The following ADAM18 variants were observed in gnomAD, a reference collection of about 807,000 sequenced individuals.
ADAM18 encodes the protein ADAM metallopeptidase domain 18, also known as disintegrin and metalloproteinase domain-containing protein 18.
ADAM18 carries 117 observed loss-of-function variants against 94.4 expected under a neutral mutation model. That is an observed-to-expected ratio of 1.24 (90% CI 1.07 to 1.45). The LOEUF is 1.45. ADAM18 is among the 40% of genes most tolerant of loss of function. The pLI is 0.00. For missense variants in ADAM18, 936 were observed against 880.0 expected, an observed-to-expected ratio of 1.06 and a Z score of -0.81; for synonymous variants, 327 against 291.6, an observed-to-expected ratio of 1.12 and a Z score of -1.24.
At chr8:39,675,326 T>C (rs911714976) in intron 14 of ADAM18, among the ~76,000 whole-genome samples, 2 of 152,216 alleles carry the variant, frequency 1.3e-5, no homozygotes, top group African/African-American at 2.4e-5. Context: ...CGTTTCTTTT[T>C]ACTCTTTTTT....
Position 39,584,571 on chromosome 8 carries a change from G to C in ADAM18, c.-52G>C, listed in dbSNP as rs1245941072. The C allele has an allele frequency of 6.2e-7, 1 of 1,603,596 alleles. No homozygotes were observed. Among genetic ancestry groups the C allele is most frequent in the Non-Finnish European group, 8.5e-7 (1 of 1,176,224 alleles). ...CCGAGAGCCTGCCCGCGAGCTCAAC[G>C]CTGCTCAACGGTCTCTGTCCTTGGC... On this transcript the variant is annotated 5_prime_UTR_variant, in exon 1 of 20. Coordinates refer to ENST00000265707, the MANE Select transcript of ADAM18 (RefSeq NM_014237.3).
At chr8:39,617,341 T>C (rs1819471778) in intron 6 of ADAM18, among the ~76,000 whole-genome samples, 1 of 152,020 alleles carries the variant, frequency 6.6e-6, no homozygotes, top group African/African-American at 2.4e-5. Context: ...AAGAAAAAGT[T>C]ACAGATACTC....
intron 2 of ADAM18, among the ~76,000 whole-genome samples, chr8:39,598,809 ATTTTTTC>A (rs542784825): frequency 1.3e-5 from 2 of 150,602 alleles, no homozygotes; most frequent in Middle Eastern, 3.4e-3. Flanking sequence ...AGGGTGTTGG[ATTTTTTC>A]TTTTTTCTTT....
chr8:39,630,858 G>T (rs936627036), intron 7 of ADAM18, among the ~76,000 whole-genome samples: 3 of 151,884 alleles, frequency 2.0e-5, no homozygotes, highest in Non-Finnish European at 4.4e-5. Flanking sequence ...TGTATGAAAG[G>T]TCCAGGAATT....
intron 10 of ADAM18, 49 bp from the exon 11 acceptor site, chr8:39,645,289 C>A: frequency 6.8e-7 from 1 of 1,480,812 alleles, no homozygotes; most frequent in Non-Finnish European, 9.2e-7. Context: ...CAAGTTATTA[C>A]TTTTATTTTC....
At chr8:39,635,365 C>T (rs1348256159) in intron 7 of ADAM18, among the ~76,000 whole-genome samples, 1 of 152,134 alleles carries the variant, frequency 6.6e-6, no homozygotes, top group Non-Finnish European at 1.5e-5. Context: ...GTAGTATCAG[C>T]ATTTCTAATG....
Position 39,604,381 on chromosome 8 carries a change from C to T in ADAM18, c.133-1926C>T, listed in dbSNP as rs1463785323. Among the ~76,000 whole-genome samples the T allele has an allele frequency of 2.6e-5, 4 of 152,070 alleles. No homozygotes were observed. In the East Asian group the frequency reaches 7.7e-4, roughly 29 times the overall value. On this transcript the variant is annotated intron_variant, in intron 2 of 19. Transcript: ENST00000265707. ...TATTTTTCTAAAGATATTAAATATA[C>T]TTATATTAAGGTCCTGTTTTATTCA...
intron 7 of ADAM18, among the ~76,000 whole-genome samples, chr8:39,635,870 G>C (rs192174236): frequency 1.7e-4 from 26 of 152,242 alleles, no homozygotes; most frequent in African/African-American, 5.8e-4. Context: ...TTCTTGTTAA[G>C]CTGTTGTTAA....
intron 12 of ADAM18, among the ~76,000 whole-genome samples, chr8:39,655,648 CA>C (rs1340427492): frequency 6.6e-6 from 1 of 151,662 alleles, no homozygotes; most frequent in Non-Finnish European, 1.5e-5. Flanking sequence ...AACTAGCCAC[CA>C]AAGCAACAAA....
chr8:39,651,125 C>A (rs545097407), intron 12 of ADAM18, among the ~76,000 whole-genome samples: 5 of 152,216 alleles, frequency 3.3e-5, no homozygotes, highest in Non-Finnish European at 5.9e-5. Flanking sequence ...TGTGTATATA[C>A]ATAAACATCT....
intron 18 of ADAM18, among the ~76,000 whole-genome samples, chr8:39,711,216 G>C (rs912758285): frequency 6.6e-6 from 1 of 152,126 alleles, no homozygotes; most frequent in African/African-American, 2.4e-5. Context: ...AAATAGCCTG[G>C]TAAGTCACTA....
At chr8:39,646,081 T>G (rs939958532) in intron 11 of ADAM18, among the ~76,000 whole-genome samples, 5 of 152,158 alleles carry the variant, frequency 3.3e-5, no homozygotes, top group African/African-American at 1.2e-4. Context: ...GCTAAGGCAT[T>G]TCTTTTTGCT....
At chr8:39,667,960 T>G (rs779225589) in intron 13 of ADAM18, 38 bp from the exon 14 acceptor site, 100 of 1,576,878 alleles carry the variant, frequency 6.3e-5, no homozygotes, top group Admixed American at 1.7e-5. Context: ...AGAAAAATGA[T>G]TTACAGAACT....
intron 16 of ADAM18, among the ~76,000 whole-genome samples, chr8:39,686,402 G>A (rs1479890255): frequency 6.6e-6 from 1 of 152,178 alleles, no homozygotes; most frequent in African/African-American, 2.4e-5. Context: ...CTGCTTCAAA[G>A]TTGGTACCTT....
rs775398423 is a variant in ADAM18, at chr8:39,668,131, C to G, written c.1460C>G (p.Thr487Ser). 4 of 1,613,990 alleles carry G rather than the reference C, an allele frequency of 2.5e-6. No homozygotes were observed. The highest frequency in any genetic ancestry group is 3.4e-6 in the Non-Finnish European group (4 of 1,180,010). Residue 487 changes from threonine to serine, a missense_variant, in exon 14 of 20, where the codon ACT becomes AGT. Thr to Ser is a moderately conservative substitution (Grantham distance 58). Coordinates refer to ENST00000265707, the MANE Select transcript of ADAM18 (RefSeq NM_014237.3). ...AATGGCCGTTTGTGCAAGTTGGGAA[C>G]TGCCTATTGCTATAACGGACAATGT... is the stretch of plus-strand genomic sequence containing the variant. ...ALNGRLCKLG[T>S]AYCYNGQCQT...
At chr8:39,632,477 T>C (rs1262559834) in intron 7 of ADAM18, among the ~76,000 whole-genome samples, 1 of 152,130 alleles carries the variant, frequency 6.6e-6, no homozygotes, top group Non-Finnish European at 1.5e-5. Flanking sequence ...TCAATGGATA[T>C]AGAGAACCAT....
rs1421578040 is a variant in ADAM18 at position 39,637,338 on chromosome 8, A to T, written c.660+3A>T. 6.3e-7 allele frequency: 1 copy of T among 1,595,656 alleles called. No homozygotes were observed. Among genetic ancestry groups the T allele is most frequent in the Admixed American group, 1.7e-5 (1 of 57,232 alleles). ...AGGTTATTGGGCTTGTCAACACTGT[A>T]AGTTTTTACTTTTTCACATTTCCAT... On this transcript the variant is annotated splice_donor_region_variant and intron_variant, in intron 8 of 19. Coordinates refer to ENST00000265707, the MANE Select transcript of ADAM18 (RefSeq NM_014237.3).
intron 19 of ADAM18, among the ~76,000 whole-genome samples, chr8:39,727,110 CTA>C (rs1042141280): frequency 3.6e-4 from 55 of 152,228 alleles, no homozygotes; most frequent in African/African-American, 1.3e-3. Context: ...TTCAATATGT[CTA>C]GTTTCCTATT....
At chr8:39,593,891 C>A (rs556605655) in intron 2 of ADAM18, among the ~76,000 whole-genome samples, 2 of 152,162 alleles carry the variant, frequency 1.3e-5, no homozygotes, top group East Asian at 3.9e-4. Context: ...TTCAGCCAGC[C>A]TAGGCAATTG....
Sources: allele counts gnomAD v4.1 joint callset (sites outside exome capture counted in the v4.1 genomes callset), GRCh38; gene constraint gnomAD v4.1.1; transcripts MANE v1.5; gene names NCBI Gene and HGNC (gene_info 2026-07-23, HGNC 2026-07-21).